Variants in C17orf99 observed in about 807,000 individuals in gnomAD.
C17orf99 encodes the protein chromosome 17 open reading frame 99.
A neutral mutation model predicts 22.6 loss-of-function variants in C17orf99; 18 were observed. That is an observed-to-expected ratio of 0.80 (90% confidence interval 0.55 to 1.18). C17orf99 has a LOEUF of 1.18. Among genes scored for constraint, C17orf99 ranks in the 50% most tolerant of loss-of-function variants. C17orf99 has a pLI of 0.00. For synonymous variants in C17orf99, 147 were observed against 136.6 expected (o/e 1.08, Z -0.53); for missense variants, 328 against 342.7 (o/e 0.96, Z 0.34).
chr17:78,161,948 A>G lies in C17orf99; in HGVS notation c.370+694A>G, dbSNP rs562524103. Among the ~76,000 whole-genome samples, 613 of 151,166 alleles carry G rather than the reference A, an allele frequency of 4.1e-3. 7 individuals carry two copies. Among genetic ancestry groups the G allele is most frequent in the African/African-American group, 0.014 (566 of 40,786 alleles). On this transcript the variant is annotated intron_variant, in intron 3 of 4. Coordinates refer to ENST00000340363, the MANE Select transcript of C17orf99 (RefSeq NM_001163075.2). ...GTGGGGTCTGAGCCTCTGGGTCTAT[A>G]GCTATGTAAGCTAAAACTCTGGGGA...
At chr17:78,149,858 T>C (rs562199821) in intron 2 of C17orf99, among the ~76,000 whole-genome samples, 11 of 151,000 alleles carry the variant, frequency 7.3e-5, no homozygotes, top group South Asian at 2.1e-4. Context: ...TACAGGCACA[T>C]GCCACCACGC....
intron 3 of C17orf99, among the ~76,000 whole-genome samples, chr17:78,163,693 C>T (rs1019222440): frequency 7.9e-5 from 12 of 152,086 alleles, no homozygotes; most frequent in African/African-American, 2.9e-4. Context: ...TGGTGAAACC[C>T]CATCTCTGCA....
intron 2 of C17orf99, among the ~76,000 whole-genome samples, chr17:78,159,748 A>T (rs916999121): frequency 6.6e-6 from 1 of 151,780 alleles, no homozygotes; most frequent in African/African-American, 2.4e-5. Flanking sequence ...CCTGGGCCCC[A>T]GTAACCACCA....
At chr17:78,165,390 T>A in intron 4 of C17orf99, 1 of 985,560 alleles carries the variant, frequency 1.0e-6, no homozygotes, top group Non-Finnish European at 1.2e-6. Flanking sequence ...GGGTGAGCCA[T>A]GTCACCTCGC....
intron 3 of C17orf99, among the ~76,000 whole-genome samples, chr17:78,162,898 G>A (rs2075589210): frequency 6.6e-6 from 1 of 152,184 alleles, no homozygotes; most frequent in Non-Finnish European, 1.5e-5. Context: ...CGATTCTCCT[G>A]CCTCAGCCTC....
rs774586803 is a variant in C17orf99 at position 78,161,207 on chromosome 17, C to T, written c.323C>T (p.Ala108Val). ...TGCTGGGCGTCCTCCACCTCAGGTG[C>T]CCATGTGGACAGTGCCAGGCTACAG... ...YFCWASSTSG[A>V]HVDSARLQMH... Residue 108 changes from alanine (A) to valine (V), a missense_variant, in exon 3 of 5, where the codon GCC becomes GTC. Physicochemically the swap from Ala to Val is moderately conservative, Grantham distance 64. Coordinates refer to ENST00000340363, the MANE Select transcript of C17orf99 (RefSeq NM_001163075.2). 36 of 1,551,588 alleles carry T rather than the reference C, an allele frequency of 2.3e-5. No individual in the cohort carries two copies. In the African/African-American group the frequency reaches 4.7e-4, roughly 20 times the overall value.
At chr17:78,150,435 T>C (rs1404782946) in intron 2 of C17orf99, among the ~76,000 whole-genome samples, 1 of 152,182 alleles carries the variant, frequency 6.6e-6, no homozygotes, top group Non-Finnish European at 1.5e-5. Flanking sequence ...TGAGCCACTG[T>C]GCCAGTGTGT....
chr17:78,165,831 G>T, intron 4 of C17orf99, 58 bp from the exon 5 acceptor site: 2 of 1,278,484 alleles, frequency 1.6e-6, no homozygotes, highest in Non-Finnish European at 2.0e-6. Context: ...CAGACGCCTC[G>T]GGAGGGGATG....
chr17:78,155,289 T>A lies in C17orf99; in HGVS notation c.71-5666T>A, dbSNP rs144483922. 4.9e-3 allele frequency among the ~76,000 whole-genome samples: 740 copies of A among 152,088 alleles called. 6 individuals are homozygous for A. The highest frequency in any genetic ancestry group is 0.017 in the African/African-American group (690 of 41,474). On this transcript the variant is annotated intron_variant, in intron 2 of 4. Coordinates refer to ENST00000340363, the MANE Select transcript of C17orf99 (RefSeq NM_001163075.2). ...GTCTAGAATGAAACATGCTTAGTGG[T>A]CACACACTCTAGTCTATTCCAGTTC...
At chr17:78,153,253 G>A (rs991372339) in intron 2 of C17orf99, among the ~76,000 whole-genome samples, 4 of 152,012 alleles carry the variant, frequency 2.6e-5, no homozygotes, top group East Asian at 1.9e-4. Flanking sequence ...GGAGGCCGAC[G>A]GGGGTGGATC....
upstream of C17orf99, chr17:78,146,270 C>T (rs1598937543): frequency 1.4e-6 from 1 of 695,038 alleles, no homozygotes; most frequent in Non-Finnish European, 2.4e-6. The surrounding 1 kb of genome is among the most constrained non-coding windows in gnomAD (Gnocchi z 5.2). Flanking sequence ...TAGCTGAGGC[C>T]CTGGGGTGCT....
At chr17:78,165,493 G>T (rs1280330697) in intron 4 of C17orf99, 4 of 986,314 alleles carry the variant, frequency 4.1e-6, no homozygotes, top group East Asian at 2.3e-4. Context: ...GCACTGATGT[G>T]CTTGGCACCA....
At chr17:78,147,050 G>A (rs1312077177) in intron 2 of C17orf99, 139 bp downstream of exon 2, 2 of 757,338 alleles carry the variant, frequency 2.6e-6, no homozygotes, top group African/African-American at 1.7e-5. Flanking sequence ...GGACAGTTCT[G>A]GAACACTCTC....
At chr17:78,163,134 G>A (rs1402120925) in intron 3 of C17orf99, among the ~76,000 whole-genome samples, 5 of 152,176 alleles carry the variant, frequency 3.3e-5, no homozygotes, top group Non-Finnish European at 7.3e-5. Flanking sequence ...CATGCCTGTC[G>A]TCCCAGCTAC....
At chr17:78,161,352 G>A in intron 3 of C17orf99, 98 bp downstream of exon 3, 4 of 1,091,650 alleles carry the variant, frequency 3.7e-6, no homozygotes, top group Non-Finnish European at 3.9e-6. Context: ...TGGGGTTAGA[G>A]AGAGCCAGGG....
rs187009242 is a variant in C17orf99 at position 78,153,707 on chromosome 17, C to T, written c.70+6796C>T. ...TCAGCCCTGGACGCCCACTTCCCCA[C>T]GTGAGGCAGGCTTCTGGCCCCTGCG... On this transcript the variant is annotated intron_variant, in intron 2 of 4. Transcript: ENST00000340363. Among the ~76,000 whole-genome samples the T allele has an allele frequency of 1.8e-3, 267 of 152,212 alleles. 1 individual carries two copies. The highest frequency in any genetic ancestry group is 4.2e-3 in the Admixed American group (64 of 15,286).
chr17:78,159,962 C>T (rs998035486), intron 2 of C17orf99: 6 of 431,022 alleles, frequency 1.4e-5, no homozygotes, highest in Non-Finnish European at 2.3e-5. Context: ...TTTACCCATT[C>T]GTCCATTGAT....
chr17:78,149,723 T>G (rs563751457), intron 2 of C17orf99, among the ~76,000 whole-genome samples: 2 of 150,334 alleles, frequency 1.3e-5, no homozygotes, highest in African/African-American at 4.8e-5. Context: ...TTTTTTTTTT[T>G]TTTTGAGACG....
intron 2 of C17orf99, among the ~76,000 whole-genome samples, chr17:78,155,871 C>G (rs1014767568): frequency 4.0e-5 from 6 of 151,694 alleles, no homozygotes; most frequent in Non-Finnish European, 8.8e-5. Context: ...AGGTGATCCA[C>G]CTGCCTCGGC....
Sources: allele counts gnomAD v4.1 joint callset (sites outside exome capture counted in the v4.1 genomes callset), GRCh38; gene constraint gnomAD v4.1.1; non-coding constraint Gnocchi (gnomAD v3.1); transcripts MANE v1.5; gene names NCBI Gene and HGNC (gene_info 2026-07-23, HGNC 2026-07-21).